FHIT: variants seen among roughly 807,000 people sequenced by gnomAD.
The protein encoded by FHIT is bis(5'-adenosyl)-triphosphatase.
A neutral mutation model predicts 17.9 loss-of-function variants in FHIT; 19 were observed. The observed-to-expected ratio is 1.06, with a 90% CI of 0.74 to 1.56. The LOEUF is 1.56. Ranked by LOEUF, FHIT falls within the 40% of genes most tolerant of loss-of-function variation. The pLI is 0.00. For missense variants in FHIT, 248 were observed against 189.2 expected, an observed-to-expected ratio of 1.31 and a Z score of -1.82; for synonymous variants, 81 against 69.7, an observed-to-expected ratio of 1.16 and a Z score of -0.81.
chr3:61,235,429 A>T (rs1171871167), intron 1 of FHIT, among the ~76,000 whole-genome samples: 8 of 150,232 alleles, frequency 5.3e-5, no homozygotes, highest in Non-Finnish European at 1.2e-4. Context: ...ATCTAATTTA[A>T]AAAAAAAAAG....
intron 3 of FHIT, among the ~76,000 whole-genome samples, chr3:60,845,527 AAATTCTTGG>A (rs1702896978): frequency 1.3e-5 from 2 of 152,170 alleles, no homozygotes; most frequent in African/African-American, 4.8e-5. Context: ...ATAGTTTTCA[AAATTCTTGG>A]AGAGGTAAAA....
At chr3:60,825,137 G>A (rs1322396245) in intron 3 of FHIT, among the ~76,000 whole-genome samples, 3 of 152,066 alleles carry the variant, frequency 2.0e-5, no homozygotes, top group Admixed American at 2.0e-4. Flanking sequence ...ATTCTATTGA[G>A]CAATTTTACT....
rs1179244671 is a variant in FHIT, at chr3:61,215,006, C to G, written c.-212-14341G>C. ...TGAATTAGGTATTGATGGGACATAT[C>G]TCAAAATAATAAGAGCTATCTATGA... On this transcript the variant is annotated intron_variant, in intron 1 of 9. Transcript: ENST00000492590. Among the ~76,000 whole-genome samples, 3 of 151,444 alleles carry G rather than the reference C, an allele frequency of 2.0e-5. 1 individual carries two copies. The South Asian group carries it at 6.4e-4, about 32-fold the overall frequency.
intron 4 of FHIT, among the ~76,000 whole-genome samples, chr3:60,814,516 G>A (rs6801528): frequency 0.01 from 1,595 of 152,170 alleles, 32 homozygotes; most frequent in African/African-American, 0.036. Context: ...CTGCATCCAC[G>A]TGGCTGCAAA....
At chr3:59,757,907 G>C (rs574069563) in intron 8 of FHIT, among the ~76,000 whole-genome samples, 1 of 152,182 alleles carries the variant, frequency 6.6e-6, no homozygotes, top group African/African-American at 2.4e-5. Context: ...ATGAACACAT[G>C]ATATATTCCA....
Position 60,724,507 on chromosome 3 carries a change from T to TAGC in FHIT, c.-18+97411_-18+97412insGCT, listed in dbSNP as rs2041874045. 3.3e-5 allele frequency among the ~76,000 whole-genome samples: 5 copies of TAGC among 152,336 alleles called. No homozygotes were observed. In the South Asian group the frequency reaches 1.0e-3, roughly 32 times the overall value. On this transcript the variant is annotated intron_variant, in intron 4 of 9. Coordinates refer to ENST00000492590, the MANE Select transcript of FHIT (RefSeq NM_002012.4). The stretch of plus-strand genomic sequence containing the variant: ...CTTGAATAGCTACCTAAGTGTGGAA[T>TAGC]TTCTGGGTCATACATATGTTTAACT...
At chr3:60,181,145 A>ATTTT (rs199935934) in intron 5 of FHIT, among the ~76,000 whole-genome samples, 4,814 of 125,506 alleles carry the variant, frequency 0.038, 331 homozygotes, top group African/African-American at 0.14. Context: ...AATTTTTTTA[A>ATTTT]TTTTTTTTTT....
chr3:59,893,857 T>C (rs1703955920), intron 8 of FHIT, among the ~76,000 whole-genome samples: 1 of 152,216 alleles, frequency 6.6e-6, no homozygotes, highest in African/African-American at 2.4e-5. Context: ...AGTTTTCATC[T>C]CAAATGCCTC....
At chr3:59,926,163 T>G (rs771369736) in intron 7 of FHIT, among the ~76,000 whole-genome samples, 1 of 152,232 alleles carries the variant, frequency 6.6e-6, no homozygotes, top group Non-Finnish European at 1.5e-5. Context: ...CAATGCTCAT[T>G]AGCACATTAA....
chr3:60,029,381 C>T (rs187973980), intron 5 of FHIT, among the ~76,000 whole-genome samples: 2 of 152,196 alleles, frequency 1.3e-5, no homozygotes, highest in South Asian at 2.1e-4. Context: ...AGGTAACAGG[C>T]CACAAATTTA....
intron 5 of FHIT, among the ~76,000 whole-genome samples, chr3:60,144,482 C>T (rs7630823): frequency 0.19 from 28,562 of 152,110 alleles, 3,137 homozygotes; most frequent in Middle Eastern, 0.32. Flanking sequence ...TACAAAGGCA[C>T]CACCTTGTTT....
intron 5 of FHIT, among the ~76,000 whole-genome samples, chr3:60,510,620 G>A (rs372521587): frequency 5.4e-4 from 57 of 105,528 alleles, no homozygotes; most frequent in African/African-American, 1.9e-3. Context: ...TAAAGACCAG[G>A]CTTCCAAGAC....
At chr3:60,151,491 A>G (rs952556300) in intron 5 of FHIT, among the ~76,000 whole-genome samples, 1 of 152,156 alleles carries the variant, frequency 6.6e-6, no homozygotes, top group African/African-American at 2.4e-5. Flanking sequence ...AAAATAAATA[A>G]ACAGATGAGA....
chr3:61,187,316 T>G (rs1213263758), intron 2 of FHIT, among the ~76,000 whole-genome samples: 2 of 151,938 alleles, frequency 1.3e-5, no homozygotes, highest in African/African-American at 2.4e-5. Context: ...ACACAGAAAT[T>G]TCCCTCTTTG....
chr3:61,117,540 A>G (rs993102008), intron 2 of FHIT, among the ~76,000 whole-genome samples: 4 of 152,244 alleles, frequency 2.6e-5, no homozygotes, highest in African/African-American at 9.6e-5. Flanking sequence ...AAAAGGACAA[A>G]GGAATGCAAA....
chr3:60,020,742 C>A (rs1206636649), intron 5 of FHIT, among the ~76,000 whole-genome samples: 1 of 152,090 alleles, frequency 6.6e-6, no homozygotes, highest in Non-Finnish European at 1.5e-5. Context: ...TGTCACTTCA[C>A]AAAACAATAG....
At chr3:60,560,487 G>T (rs189769364) in intron 4 of FHIT, among the ~76,000 whole-genome samples, 1 of 152,036 alleles carries the variant, frequency 6.6e-6, no homozygotes, top group Non-Finnish European at 1.5e-5. Context: ...TGGAAATTCT[G>T]TAAGTAAATT....
At chr3:61,209,314 G>A (rs1015532922) in intron 1 of FHIT, among the ~76,000 whole-genome samples, 1 of 152,130 alleles carries the variant, frequency 6.6e-6, no homozygotes, top group Non-Finnish European at 1.5e-5. Flanking sequence ...CTCTTCTTGA[G>A]GAGTATCTTT....
intron 8 of FHIT, among the ~76,000 whole-genome samples, chr3:59,763,269 G>A (rs1701619672): frequency 1.3e-5 from 2 of 152,166 alleles, no homozygotes; most frequent in Non-Finnish European, 1.5e-5. Flanking sequence ...GTGTAGGCAA[G>A]GAAACTCTCC....
Sources: gnomAD v4.1 joint callset for allele counts (sites outside exome capture counted in the v4.1 genomes callset) on GRCh38, gnomAD v4.1.1 for gene constraint, MANE v1.5 for transcripts, NCBI Gene and HGNC (gene_info 2026-07-23, HGNC 2026-07-21) for gene names.